Variants in GRIK2 observed in about 807,000 individuals in gnomAD.
The protein encoded by GRIK2 is glutamate receptor ionotropic, kainate 2.
Under a neutral mutation model 100.3 loss-of-function variants are expected in GRIK2, and 32 were observed. The observed-to-expected ratio is 0.32, with a 90% CI of 0.24 to 0.43. The LOEUF (loss-of-function observed/expected upper bound fraction) is 0.43, where lower values mean the gene tolerates loss of function less well. Among genes scored for constraint, GRIK2 ranks in the 20% least tolerant of loss-of-function variants. The probability of loss-of-function intolerance (pLI) is 1.00; values close to 1 mark genes in which losing one functional copy is unlikely to be tolerated. For synonymous variants in GRIK2, 417 were observed against 389.4 expected, an observed-to-expected ratio of 1.07 and a Z score of -0.83; for missense variants, 843 against 1,114.9, an observed-to-expected ratio of 0.76 and a Z score of 3.47.
chr6:101,877,792 T>G (rs1188836591), intron 11 of GRIK2, among the ~76,000 whole-genome samples: 1 of 151,862 alleles, frequency 6.6e-6, no homozygotes, highest in Non-Finnish European at 1.5e-5. Context: ...AATTCATTGT[T>G]CCTTAATACA....
chr6:101,783,001 C>T (rs1779194084), intron 7 of GRIK2, among the ~76,000 whole-genome samples: 1 of 151,940 alleles, frequency 6.6e-6, no homozygotes, highest in South Asian at 2.1e-4. Context: ...GGACTACAGG[C>T]ACCCGCCACC....
intron 2 of GRIK2, among the ~76,000 whole-genome samples, chr6:101,417,600 A>G (rs891065411): frequency 3.3e-5 from 5 of 152,164 alleles, no homozygotes; most frequent in African/African-American, 1.2e-4. Flanking sequence ...GTGGAATCCT[A>G]AATCTTAATC....
rs1770214462 is a variant in GRIK2, at chr6:102,035,330, A to G, written c.2086-11A>G. 6.5e-7 allele frequency: 1 copy of G among 1,527,596 alleles called. No individual in the cohort carries two copies. The highest frequency in any genetic ancestry group is 1.1e-5 in the South Asian group (1 of 88,912). The allele number at this position is 1,527,596 out of a possible 1,614,324, so 94.6% of individuals were successfully genotyped here. A position where few individuals can be genotyped will look rare whatever the true frequency, so the allele number is the denominator to read the frequency against. On this transcript the variant is annotated splice_polypyrimidine_tract_variant and intron_variant, in intron 14 of 16. Transcript: ENST00000369134. The stretch of plus-strand genomic sequence containing the variant: ...ACTTTCTCGTGACCAACTTATATTT[A>G]TTTTCTTCAGAAATCAAAAATCTCC...
chr6:101,400,510 A>G (rs954509993), intron 2 of GRIK2, among the ~76,000 whole-genome samples: 4 of 152,202 alleles, frequency 2.6e-5, no homozygotes, highest in African/African-American at 9.7e-5. Context: ...GTTCAAGTGG[A>G]TTCAGACCAA....
At chr6:101,846,758 T>C (rs1371954417) in intron 10 of GRIK2, among the ~76,000 whole-genome samples, 2 of 152,074 alleles carry the variant, frequency 1.3e-5, no homozygotes, top group Admixed American at 1.3e-4. Context: ...TCTGTAGAAA[T>C]TTGTCTATTT....
At chr6:101,648,331 C>A (rs1211835333) in intron 4 of GRIK2, among the ~76,000 whole-genome samples, 1 of 151,856 alleles carries the variant, frequency 6.6e-6, no homozygotes, top group East Asian at 1.9e-4. Flanking sequence ...TCTAGGAATA[C>A]AAAAATAAAG....
At chr6:102,004,615 A>G (rs1795117289) in intron 14 of GRIK2, among the ~76,000 whole-genome samples, 1 of 152,100 alleles carries the variant, frequency 6.6e-6, no homozygotes. Flanking sequence ...GTCAGAAGCA[A>G]TTCAATTCTT....
chr6:101,985,054 A>T (rs959269888), intron 14 of GRIK2, among the ~76,000 whole-genome samples: 9 of 151,710 alleles, frequency 5.9e-5, no homozygotes, highest in African/African-American at 2.2e-4. Context: ...ATTGCTATAA[A>T]TTAGACATAA....
intron 16 of GRIK2, among the ~76,000 whole-genome samples, chr6:102,058,502 G>A (rs1305001062): frequency 6.6e-6 from 1 of 151,600 alleles, no homozygotes; most frequent in Non-Finnish European, 1.5e-5. Flanking sequence ...GGATTTAATG[G>A]AAATGATTCA....
chr6:101,785,998 A>AT (rs1779399694), intron 7 of GRIK2, among the ~76,000 whole-genome samples: 1 of 151,818 alleles, frequency 6.6e-6, no homozygotes, highest in Admixed American at 6.6e-5. Flanking sequence ...TCTTTAATCA[A>AT]TTTTTTGTAG....
chr6:102,052,051 G>C (rs1771226967), intron 15 of GRIK2, among the ~76,000 whole-genome samples: 1 of 152,116 alleles, frequency 6.6e-6, no homozygotes, highest in Non-Finnish European at 1.5e-5. Context: ...GTGCATGGCT[G>C]TTCATGTCAC....
At chr6:101,765,899 C>T (rs1778018472) in intron 7 of GRIK2, among the ~76,000 whole-genome samples, 1 of 151,912 alleles carries the variant, frequency 6.6e-6, no homozygotes, top group Non-Finnish European at 1.5e-5. Context: ...TTAATTTCTC[C>T]AAAAAAGCTA....
chr6:101,403,321 T>A (rs1489159415), intron 2 of GRIK2, among the ~76,000 whole-genome samples: 1 of 152,220 alleles, frequency 6.6e-6, no homozygotes, highest in Non-Finnish European at 1.5e-5. Flanking sequence ...TCCCTTCTGA[T>A]GTTTCGACCT....
chr6:101,619,984 C>G (rs1460725426), intron 2 of GRIK2, among the ~76,000 whole-genome samples: 1 of 152,090 alleles, frequency 6.6e-6, no homozygotes, highest in Non-Finnish European at 1.5e-5. Flanking sequence ...ACCTCAAATA[C>G]TTGTTGAGTG....
intron 14 of GRIK2, among the ~76,000 whole-genome samples, chr6:101,979,224 T>C (rs1793575686): frequency 2.0e-5 from 3 of 151,908 alleles, no homozygotes; most frequent in South Asian, 4.2e-4. Context: ...CAGGAAACTA[T>C]TATGGAAGAG....
intron 15 of GRIK2, among the ~76,000 whole-genome samples, chr6:102,050,702 C>A (rs1363706888): frequency 5.1e-4 from 53 of 104,668 alleles, no homozygotes; most frequent in Admixed American, 7.4e-4. Flanking sequence ...ACAGGAAAGG[C>A]AAAAAAAGAA....
At chr6:101,677,535 A>C (rs1770929894) in intron 5 of GRIK2, among the ~76,000 whole-genome samples, 1 of 152,164 alleles carries the variant, frequency 6.6e-6, no homozygotes, top group African/African-American at 2.4e-5. Flanking sequence ...TGGAAAACAG[A>C]AATTATTATC....
chr6:101,602,556 GT>G (rs201681582), intron 2 of GRIK2, among the ~76,000 whole-genome samples: 62 of 149,996 alleles, frequency 4.1e-4, no homozygotes, highest in Admixed American at 2.1e-3. Flanking sequence ...TGAATGATTA[GT>G]TTTTTTTTAA....
At chr6:101,982,657 T>C (rs1205623265) in intron 14 of GRIK2, among the ~76,000 whole-genome samples, 2 of 150,976 alleles carry the variant, frequency 1.3e-5, no homozygotes, top group African/African-American at 2.4e-5. Context: ...CCTTCTTCTT[T>C]TTTTTTTTTT....
Sources: allele counts gnomAD v4.1 joint callset (sites outside exome capture counted in the v4.1 genomes callset), GRCh38; gene constraint gnomAD v4.1.1; transcripts MANE v1.5; gene names NCBI Gene and HGNC (gene_info 2026-07-23, HGNC 2026-07-21).